The following WNT2 variants were observed in gnomAD, a reference collection of about 807,000 sequenced individuals.
The protein encoded by WNT2 is protein Wnt-2.
In WNT2, 12 loss-of-function variants were observed where a neutral mutation model predicts 36.9. The ratio of observed to expected loss-of-function variants is 0.33; its 90% CI spans 0.21 to 0.53. WNT2 has a LOEUF of 0.53. WNT2 is among the 20% of genes least tolerant of loss of function. WNT2 has a pLI of 0.95. For missense variants in WNT2, 379 were observed against 473.1 expected (o/e 0.80, Z 1.84); for synonymous variants, 163 against 174.6 (o/e 0.93, Z 0.52).
In WNT2 at chr7:117,315,363, C is replaced by T. The variant is rs1795196830; in HGVS notation, c.311-15G>A. 6.2e-7 allele frequency: 1 copy of T among 1,607,368 alleles called. No homozygotes were observed. Among genetic ancestry groups the T allele is most frequent in the African/African-American group, 1.3e-5 (1 of 74,632 alleles). On this transcript the variant is annotated splice_polypyrimidine_tract_variant and intron_variant, in intron 2 of 4. Coordinates refer to ENST00000265441, the MANE Select transcript of WNT2 (RefSeq NM_003391.3). ...TTCCCGACTACCTGAAACAAAAATG[C>T]TTTTCTTAAAAGTGGTCCGGTAGCA...
chr7:117,321,682 C>T (rs1795329140), intron 1 of WNT2, among the ~76,000 whole-genome samples: 1 of 151,872 alleles, frequency 6.6e-6, no homozygotes, highest in African/African-American at 2.4e-5. Flanking sequence ...CTGTGACTTC[C>T]AAAAAATATA....
chr7:117,320,777 C>A lies in WNT2; in HGVS notation c.100G>T (p.Gly34Cys). ...TCGCACATCACCCTGGAGGAGCCAC[C>A]TGTAGCTCTCATGTACCTATAAGGG... ...NSSWWYMRAT[G>C]GSSRVMCDNV... Residue 34 changes from glycine to cysteine, a missense_variant, in exon 2 of 5, where the codon GGT becomes TGT. Coordinates refer to ENST00000265441, the MANE Select transcript of WNT2 (RefSeq NM_003391.3). The A allele has an allele frequency of 6.2e-7, 1 of 1,611,196 alleles. No homozygotes were observed. The highest frequency in any genetic ancestry group is 1.1e-5 in the South Asian group (1 of 90,494).
At chr7:117,320,882 A>G (rs1388898288) in intron 1 of WNT2, 89 bp from the exon 2 acceptor site, 1 of 1,131,314 alleles carries the variant, frequency 8.8e-7, no homozygotes, top group African/African-American at 1.5e-5. Context: ...AGTTCAAAGC[A>G]CTTTTCAAAT....
At chr7:117,321,238 A>G (rs769505710) in intron 1 of WNT2, among the ~76,000 whole-genome samples, 3 of 152,190 alleles carry the variant, frequency 2.0e-5, no homozygotes, top group East Asian at 3.9e-4. Flanking sequence ...CTTCGTTCCC[A>G]TTATTTGACA....
Position 117,310,068 on chromosome 7 carries a change from C to A in WNT2, c.588+5003G>T, listed in dbSNP as rs181282941. 1.3e-4 allele frequency among the ~76,000 whole-genome samples: 20 copies of A among 152,224 alleles called. No individual in the cohort carries two copies. The East Asian group carries it at 2.9e-3, about 22-fold the overall frequency. On this transcript the variant is annotated intron_variant, in intron 3 of 4. Transcript: ENST00000265441. ...TAGCTGGGATTACAGTTGCATGCCA[C>A]CTTGCCCAGTTAATTTTTTAAGTCA...
At chr7:117,318,194 C>A (rs944250126) in intron 2 of WNT2, among the ~76,000 whole-genome samples, 1 of 152,194 alleles carries the variant, frequency 6.6e-6, no homozygotes, top group African/African-American at 2.4e-5. Context: ...CTTTCCTATT[C>A]ATCTATGAGC....
At chr7:117,301,555 ATAT>A (rs1233477162) in intron 3 of WNT2, among the ~76,000 whole-genome samples, 1 of 152,186 alleles carries the variant, frequency 6.6e-6, no homozygotes, top group Non-Finnish European at 1.5e-5. Context: ...TGGTTTACAC[ATAT>A]TATCTAATTA....
At chr7:117,319,387 C>T (rs150852217) in intron 2 of WNT2, among the ~76,000 whole-genome samples, 47 of 152,206 alleles carry the variant, frequency 3.1e-4, no homozygotes, top group African/African-American at 8.2e-4. Context: ...GAGAGTACTA[C>T]GCCCTTGGGG....
chr7:117,287,942 TG>T (rs1282918620), intron 4 of WNT2, among the ~76,000 whole-genome samples: 1 of 151,968 alleles, frequency 6.6e-6, no homozygotes, highest in African/African-American at 2.4e-5. Flanking sequence ...GAGCTGAGAT[TG>T]GGCCATTGTA....
chr7:117,280,563 G>C (rs969556889), intron 4 of WNT2, among the ~76,000 whole-genome samples: 3 of 152,198 alleles, frequency 2.0e-5, no homozygotes, highest in Non-Finnish European at 2.9e-5. Flanking sequence ...GTACAGTCAT[G>C]TGCAAAGCAC....
In WNT2 at chr7:117,277,842, A is replaced by G. The variant is rs570913026; in HGVS notation, c.*313T>C. 3.0e-6 allele frequency: 1 copy of G among 338,162 alleles called. No individual in the cohort carries two copies. The allele number at this position is 338,162 out of a possible 1,614,324, so 20.9% of individuals were successfully genotyped here. ...ACTGCTCTAGAAAGAAGAAACGTCA[A>G]GGTGGGTGGAGACAGTGGTCTGGGC... is the stretch of plus-strand genomic sequence containing the variant. On this transcript the variant is annotated 3_prime_UTR_variant, in exon 5 of 5. Transcript: ENST00000265441.
At chr7:117,294,560 G>A (rs1794750500) in intron 4 of WNT2, among the ~76,000 whole-genome samples, 1 of 147,836 alleles carries the variant, frequency 6.8e-6, no homozygotes, top group African/African-American at 2.5e-5. Flanking sequence ...GAATCTTACT[G>A]GAAATCTGAT....
intron 3 of WNT2, 117 bp downstream of exon 3, chr7:117,314,954 T>C (rs1285508758): frequency 9.8e-6 from 14 of 1,429,878 alleles, no homozygotes; most frequent in African/African-American, 1.4e-5. Context: ...TGGGGGACAG[T>C]AGGAAGTTGT....
chr7:117,276,423 G>A lies in WNT2; in HGVS notation c.*1732C>T, dbSNP rs367765366. Among the ~76,000 whole-genome samples the A allele has an allele frequency of 3.7e-3, 557 of 152,300 alleles. 9 individuals carry two copies. The highest frequency in any genetic ancestry group is 0.013 in the African/African-American group (530 of 41,542). ...TGTCATTCCACTGTTCCCACCATCC[G>A]AATCCATAGAATAAAAGGAGGAAAG... On this transcript the variant is annotated 3_prime_UTR_variant, in exon 5 of 5. Coordinates refer to ENST00000265441, the MANE Select transcript of WNT2 (RefSeq NM_003391.3).
In WNT2 at chr7:117,322,860, C is replaced by G. The variant is rs1014982034; in HGVS notation, c.83+47G>C. On this transcript the variant is annotated intron_variant, in intron 1 of 4. Transcript: ENST00000265441. This position sits in a 1 kb window ranked among gnomAD's most constrained non-coding sequence, Gnocchi z 5.4. ...AAGGGTCTATGTGGCCAATGCGGTC[C>G]CCATTCCGATCTCCAAAATCCCCCG... 3.2e-6 allele frequency: 5 copies of G among 1,586,002 alleles called. No homozygotes were observed. The African/African-American group carries it at 7.1e-5, about 23-fold the overall frequency.
chr7:117,280,347 T>A (rs1794459515), intron 4 of WNT2, among the ~76,000 whole-genome samples: 1 of 152,226 alleles, frequency 6.6e-6, no homozygotes, highest in Non-Finnish European at 1.5e-5. Context: ...CACCCATTAT[T>A]TCATTCAGTA....
intron 3 of WNT2, among the ~76,000 whole-genome samples, chr7:117,311,212 G>A (rs371904280): frequency 2.0e-5 from 3 of 152,168 alleles, no homozygotes; most frequent in Admixed American, 6.5e-5. Flanking sequence ...TTTCCTTGTC[G>A]TTAAAAACCG....
Position 117,278,474 on chromosome 7 carries a change from G to A in WNT2, c.854-90C>T, listed in dbSNP as rs565888321. The A allele has an allele frequency of 3.9e-6, 5 of 1,268,358 alleles. No homozygotes were observed. In the African/African-American group the frequency reaches 5.9e-5, roughly 15 times the overall value. 78.6% of individuals were successfully genotyped at this position (1,268,358 alleles called of 1,614,324 possible). ...AGGAGTCACGAGGTCCATCCTCCAG[G>A]ACAGAGCCCTGACCCTCTCTTCCTA... On this transcript the variant is annotated intron_variant, in intron 4 of 4. Coordinates refer to ENST00000265441, the MANE Select transcript of WNT2 (RefSeq NM_003391.3).
intron 4 of WNT2, among the ~76,000 whole-genome samples, chr7:117,293,468 ATGG>A (rs1794729720): frequency 6.6e-6 from 1 of 152,234 alleles, no homozygotes; most frequent in Non-Finnish European, 1.5e-5. Flanking sequence ...AAAAGCAATG[ATGG>A]AAAGCAAAGA....
Sources: gnomAD v4.1 joint callset for allele counts (sites outside exome capture counted in the v4.1 genomes callset) on GRCh38, gnomAD v4.1.1 for gene constraint, Gnocchi (gnomAD v3.1) non-coding constraint, MANE v1.5 for transcripts, NCBI Gene and HGNC (gene_info 2026-07-23, HGNC 2026-07-21) for gene names.